Variants in FREM1 observed in about 807,000 individuals in gnomAD.
FREM1 encodes FRAS1-related extracellular matrix protein 1.
In FREM1, 220 loss-of-function variants were observed where a neutral mutation model predicts 210.1. That is an observed-to-expected ratio of 1.05 (90% CI 0.94 to 1.17). The LOEUF (loss-of-function observed/expected upper bound fraction) is 1.17, where lower values mean the gene tolerates loss of function less well. Ranked by LOEUF, FREM1 falls within the 50% of genes most tolerant of loss-of-function variation. The probability of loss-of-function intolerance (pLI) is 0.00; values close to 1 mark genes in which losing one functional copy is unlikely to be tolerated. For missense variants in FREM1, 3,454 were observed against 2,675.5 expected (o/e 1.29, Z -6.42); for synonymous variants, 1,189 against 980.2 (o/e 1.21, Z -3.98).
chr9:14,886,125 G>A (rs778418893), intron 1 of FREM1, among the ~76,000 whole-genome samples: 10 of 151,816 alleles, frequency 6.6e-5, no homozygotes, highest in Non-Finnish European at 1.0e-4. Context: ...GGTGGCTCAC[G>A]CCTGTAATCC....
At chr9:14,763,654 C>T (rs1161459919) in intron 27 of FREM1, among the ~76,000 whole-genome samples, 1 of 152,146 alleles carries the variant, frequency 6.6e-6, no homozygotes, top group Admixed American at 6.5e-5. Context: ...TCTAAGCAGT[C>T]AGGTAAAGGA....
chr9:14,794,342 T>C (rs1293121757), intron 21 of FREM1, among the ~76,000 whole-genome samples: 1 of 152,186 alleles, frequency 6.6e-6, no homozygotes, highest in Admixed American at 6.5e-5. Context: ...ACTGTGCTCC[T>C]AATGGACAGG....
chr9:14,897,005 A>G (rs1165161001), intron 1 of FREM1, among the ~76,000 whole-genome samples: 1 of 152,208 alleles, frequency 6.6e-6, no homozygotes, highest in Non-Finnish European at 1.5e-5. Flanking sequence ...TATTTTTGTA[A>G]AGAGGTCTGA....
At chr9:14,814,658 G>A (rs1207003097) in intron 15 of FREM1, among the ~76,000 whole-genome samples, 1 of 152,120 alleles carries the variant, frequency 6.6e-6, no homozygotes, top group Admixed American at 6.5e-5. Context: ...CTCCAGTATT[G>A]TTCTTGACCC....
intron 19 of FREM1, 92 bp from the exon 20 acceptor site, chr9:14,801,966 C>G: frequency 1.1e-6 from 1 of 885,896 alleles, no homozygotes; most frequent in Non-Finnish European, 1.7e-6. Flanking sequence ...TTGAATATAT[C>G]CTACTTCAAA....
At chr9:14,873,518 C>G (rs1303048829) in intron 1 of FREM1, among the ~76,000 whole-genome samples, 1 of 151,814 alleles carries the variant, frequency 6.6e-6, no homozygotes, top group Non-Finnish European at 1.5e-5. Context: ...TGGTGATATC[C>G]ACAATATCAT....
At chr9:14,776,225 G>A in intron 24 of FREM1, 22 bp from the exon 25 acceptor site, 6 of 1,510,168 alleles carry the variant, frequency 4.0e-6, no homozygotes, top group Non-Finnish European at 5.3e-6. Context: ...AGGCAAGGCA[G>A]CCTTCAGCAT....
intron 6 of FREM1, among the ~76,000 whole-genome samples, chr9:14,849,020 T>A (rs1010345355): frequency 6.6e-6 from 1 of 152,236 alleles, no homozygotes; most frequent in Non-Finnish European, 1.5e-5. Context: ...ATTGGTAATA[T>A]GCTGGAGAAG....
chr9:14,834,368 A>G (rs1824152119), intron 10 of FREM1, among the ~76,000 whole-genome samples: 1 of 152,226 alleles, frequency 6.6e-6, no homozygotes. Context: ...AAATAAAAGC[A>G]TAGCAAGAAG....
At chr9:14,756,467 CTTT>C in intron 28 of FREM1, 21 bp from the exon 29 acceptor site, 2 of 1,533,416 alleles carry the variant, frequency 1.3e-6, no homozygotes, top group Non-Finnish European at 8.9e-7. Context: ...AAAAAAAAAT[CTTT>C]TTAAGATAAA....
intron 24 of FREM1, among the ~76,000 whole-genome samples, chr9:14,782,538 A>G (rs1355365154): frequency 6.6e-6 from 1 of 152,218 alleles, no homozygotes; most frequent in Non-Finnish European, 1.5e-5. Context: ...TGTAAAATTA[A>G]AAGCCCTGGA....
At chr9:14,776,276 A>G (rs1848560971) in intron 24 of FREM1, 73 bp from the exon 25 acceptor site, 2 of 1,445,316 alleles carry the variant, frequency 1.4e-6, no homozygotes, top group Non-Finnish European at 1.8e-6. Flanking sequence ...AATGATAACA[A>G]TACACACCTT....
intron 1 of FREM1, among the ~76,000 whole-genome samples, chr9:14,880,187 T>C (rs775494628): frequency 2.6e-5 from 4 of 152,206 alleles, no homozygotes; most frequent in Non-Finnish European, 5.9e-5. Context: ...CCTTCAGAAC[T>C]GTGAGGAATA....
intron 1 of FREM1, among the ~76,000 whole-genome samples, chr9:14,869,735 G>C (rs917976630): frequency 6.6e-6 from 1 of 152,150 alleles, no homozygotes; most frequent in Non-Finnish European, 1.5e-5. Context: ...TTATCACACT[G>C]GGCACACTTC....
intron 14 of FREM1, among the ~76,000 whole-genome samples, chr9:14,817,805 A>G (rs1820573477): frequency 6.6e-6 from 1 of 152,120 alleles, no homozygotes; most frequent in South Asian, 2.1e-4. Context: ...GAAGTCCCAC[A>G]TCCTCCCCAC....
chr9:14,755,209 C>A (rs1844101451), intron 29 of FREM1, among the ~76,000 whole-genome samples: 1 of 152,188 alleles, frequency 6.6e-6, no homozygotes, highest in African/African-American at 2.4e-5. Flanking sequence ...TTATGACAGC[C>A]TGAAGAAACT....
At chr9:14,866,866 T>C (rs1831613223) in intron 2 of FREM1, among the ~76,000 whole-genome samples, 2 of 151,836 alleles carry the variant, frequency 1.3e-5, no homozygotes, top group South Asian at 2.1e-4. Flanking sequence ...CATTTTCCTT[T>C]CTTTTTTTTT....
At chr9:14,811,056 G>T (rs1366925694) in intron 16 of FREM1, among the ~76,000 whole-genome samples, 1 of 152,218 alleles carries the variant, frequency 6.6e-6, no homozygotes, top group South Asian at 2.1e-4. Context: ...ACAATGCTGT[G>T]ATTCTTTATC....
At chr9:14,896,003 C>A (rs560061454) in intron 1 of FREM1, among the ~76,000 whole-genome samples, 1 of 152,112 alleles carries the variant, frequency 6.6e-6, no homozygotes, top group Non-Finnish European at 1.5e-5. Context: ...ACCTACTGGG[C>A]TGCATTCCTA....
Sources: allele counts gnomAD v4.1 joint callset (sites outside exome capture counted in the v4.1 genomes callset), GRCh38; gene constraint gnomAD v4.1.1; transcripts MANE v1.5; gene names NCBI Gene and HGNC (gene_info 2026-07-23, HGNC 2026-07-21).